The following TMEM131 variants were observed in gnomAD, a reference collection of about 807,000 sequenced individuals.
The protein encoded by TMEM131 is transmembrane protein 131, also known as 2610524E03Rik.
Under a neutral mutation model 211.6 loss-of-function variants are expected in TMEM131, and 66 were observed. The ratio of observed to expected loss-of-function variants is 0.31; its 90% CI spans 0.26 to 0.38. The LOEUF is 0.38. Among genes scored for constraint, TMEM131 ranks in the 10% least tolerant of loss-of-function variants. The pLI is 1.00. For missense variants in TMEM131, 2,036 were observed against 2,299.3 expected, an observed-to-expected ratio of 0.89 and a Z score of 2.34; for synonymous variants, 844 against 841.3, an observed-to-expected ratio of 1.00 and a Z score of -0.06.
chr2:97,766,512 A>G lies in TMEM131; in HGVS notation c.4539T>C (p.Ser1513=). The G allele has an allele frequency of 6.2e-7, 1 of 1,614,058 alleles. No homozygotes were observed. The highest frequency in any genetic ancestry group is 8.5e-7 in the Non-Finnish European group (1 of 1,179,902). Residue 1513 remains serine (S), a synonymous_variant, in exon 34 of 41, where the codon AGT becomes AGC. Transcript: ENST00000186436. ...SKIPLPTAMT[S]GSKSRNAQKT... ...TCTGGGCATTTCGTGATTTGGATCC[A>G]CTTGTCATTGCAGTTGGAAGAGGAA...
chr2:97,905,463 G>A (rs757999500), intron 3 of TMEM131, among the ~76,000 whole-genome samples: 8 of 152,212 alleles, frequency 5.3e-5, no homozygotes, highest in Non-Finnish European at 1.2e-4. Context: ...TTCTTTGACA[G>A]CTCCTCCCTC....
chr2:97,894,653 G>A (rs543066570), intron 3 of TMEM131, among the ~76,000 whole-genome samples: 65 of 152,248 alleles, frequency 4.3e-4, no homozygotes, highest in African/African-American at 1.5e-3. Context: ...AATTGTGAAT[G>A]GGAGTTACTC....
chr2:97,840,654 C>A (rs1177782379), intron 7 of TMEM131, among the ~76,000 whole-genome samples: 5 of 152,092 alleles, frequency 3.3e-5, no homozygotes, highest in Non-Finnish European at 7.4e-5. Flanking sequence ...GTAATAACAG[C>A]CAGAACAGGG....
chr2:97,872,559 T>C (rs936110008), intron 4 of TMEM131, among the ~76,000 whole-genome samples: 1 of 151,786 alleles, frequency 6.6e-6, no homozygotes, highest in East Asian at 1.9e-4. Flanking sequence ...CATTTCCAAC[T>C]GGGACTGGTT....
At chr2:97,816,088 C>A (rs557734563) in intron 12 of TMEM131, among the ~76,000 whole-genome samples, 1 of 152,280 alleles carries the variant, frequency 6.6e-6, no homozygotes, top group South Asian at 2.1e-4. Context: ...CATCGGTAAT[C>A]CCAGCACTTT....
chr2:97,959,283 A>G (rs535715226), intron 1 of TMEM131, among the ~76,000 whole-genome samples: 2 of 152,304 alleles, frequency 1.3e-5, no homozygotes, highest in Admixed American at 1.3e-4. Context: ...GTCTGTTTCA[A>G]TGAGCTAAGA....
intron 17 of TMEM131, among the ~76,000 whole-genome samples, chr2:97,811,765 G>T (rs2104963659): frequency 6.6e-6 from 1 of 152,312 alleles, no homozygotes; most frequent in South Asian, 2.1e-4. Flanking sequence ...TTGTAAAACT[G>T]CCCCAAGAAA....
intron 1 of TMEM131, among the ~76,000 whole-genome samples, chr2:97,943,062 AAAG>A (rs1270692045): frequency 1.2e-5 from 1 of 83,786 alleles, no homozygotes; most frequent in East Asian, 2.2e-4. Flanking sequence ...AGAAAGAAAG[AAAG>A]AAAGAAAGAA....
intron 36 of TMEM131, chr2:97,761,821 TG>T (rs1162284554): frequency 1.2e-5 from 6 of 509,546 alleles, no homozygotes; most frequent in Non-Finnish European, 2.0e-5. Context: ...TAAGAATGAA[TG>T]GATTAGAATG....
chr2:97,900,353 T>G lies in TMEM131; in HGVS notation c.290+8305A>C, dbSNP rs139816459. The stretch of plus-strand genomic sequence containing the variant: ...TCTCAAATCTCCCTGGTCCCCACCC[T>G]CAAGCTCTGGTAACCACCATTCTAC... On this transcript the variant is annotated intron_variant, in intron 3 of 40. Coordinates refer to ENST00000186436, the MANE Select transcript of TMEM131 (RefSeq NM_015348.2). 2.9e-3 allele frequency among the ~76,000 whole-genome samples: 441 copies of G among 152,186 alleles called. 1 individual carries two copies. The highest frequency in any genetic ancestry group is 0.01 in the African/African-American group (425 of 41,568).
chr2:97,975,008 G>C lies in TMEM131; in HGVS notation c.187+20468C>G, dbSNP rs573954859. Among the ~76,000 whole-genome samples the C allele has an allele frequency of 3.9e-5, 6 of 152,200 alleles. No homozygotes were observed. In the South Asian group the frequency reaches 1.2e-3, roughly 32 times the overall value. The stretch of plus-strand genomic sequence containing the variant: ...ACAGAGTACTCCAACAACAGCAGAA[G>C]ACATATTCTTCTCAAATGCACACAT... On this transcript the variant is annotated intron_variant, in intron 1 of 40. Transcript: ENST00000186436.
At chr2:97,839,560 T>C (rs1683098955) in intron 7 of TMEM131, among the ~76,000 whole-genome samples, 1 of 152,212 alleles carries the variant, frequency 6.6e-6, no homozygotes, top group African/African-American at 2.4e-5. Context: ...AGCCAAACAT[T>C]ATGTACAGAA....
chr2:97,953,915 T>C (rs1181244436), intron 1 of TMEM131, among the ~76,000 whole-genome samples: 1 of 152,164 alleles, frequency 6.6e-6, no homozygotes, highest in Non-Finnish European at 1.5e-5. Context: ...AACACTTCTG[T>C]ATACCACATG....
At chr2:97,773,886 G>T (rs1291146384) in intron 32 of TMEM131, among the ~76,000 whole-genome samples, 1 of 152,154 alleles carries the variant, frequency 6.6e-6, no homozygotes, top group Non-Finnish European at 1.5e-5. Context: ...AAAGCAACCT[G>T]GTTCTTTGCC....
At chr2:97,814,727 A>G (rs1681735711) in intron 13 of TMEM131, among the ~76,000 whole-genome samples, 1 of 152,232 alleles carries the variant, frequency 6.6e-6, no homozygotes, top group Non-Finnish European at 1.5e-5. Flanking sequence ...TGCCAAGTTG[A>G]GTATTAAACT....
chr2:97,809,538 C>T, intron 19 of TMEM131, 150 bp downstream of exon 19: 1 of 620,858 alleles, frequency 1.6e-6, no homozygotes, highest in Non-Finnish European at 2.9e-6. Flanking sequence ...GACTGTATCT[C>T]TTTACATCTT....
At chr2:97,948,577 G>C (rs1250041260) in intron 1 of TMEM131, among the ~76,000 whole-genome samples, 1 of 152,170 alleles carries the variant, frequency 6.6e-6, no homozygotes, top group African/African-American at 2.4e-5. Context: ...AGGATGTGCA[G>C]GAAGTGGAAC....
chr2:97,956,677 T>C (rs1678580683), intron 1 of TMEM131, among the ~76,000 whole-genome samples: 1 of 138,410 alleles, frequency 7.2e-6, no homozygotes, highest in South Asian at 2.1e-4. Flanking sequence ...TTTCATTAAG[T>C]AGTGTAAACT....
chr2:97,797,245 GT>G (rs1417240500), intron 26 of TMEM131, 119 bp downstream of exon 26: 1 of 1,050,388 alleles, frequency 9.5e-7, no homozygotes, highest in African/African-American at 1.6e-5. Context: ...GTGTGTGCAT[GT>G]TTTGGACAAA....
Sources: gnomAD v4.1 joint callset for allele counts (sites outside exome capture counted in the v4.1 genomes callset) on GRCh38, gnomAD v4.1.1 for gene constraint, MANE v1.5 for transcripts, NCBI Gene and HGNC (gene_info 2026-07-23, HGNC 2026-07-21) for gene names.